The following NCOA3 variants were observed in gnomAD, a reference collection of about 807,000 sequenced individuals.
NCOA3 encodes the protein nuclear receptor coactivator 3, also known as CBP-interacting protein.
In NCOA3, 51 loss-of-function variants were observed where a neutral mutation model predicts 158.8. The ratio of observed to expected loss-of-function variants is 0.32; its 90% confidence interval spans 0.26 to 0.41. The LOEUF (loss-of-function observed/expected upper bound fraction) is 0.41. Among genes scored for constraint, NCOA3 ranks in the 10% least tolerant of loss-of-function variants. The pLI is 1.00. For missense variants in NCOA3, 1,510 were observed against 1,746.6 expected, an observed-to-expected ratio of 0.86 and a Z score of 2.41; for synonymous variants, 537 against 592.4, an observed-to-expected ratio of 0.91 and a Z score of 1.36.
rs931477107 is a variant in NCOA3 at position 47,656,170 on chromosome 20, T to A, written c.*2753T>A. The A allele has an allele frequency of 2.0e-5, 3 of 146,706 alleles. No individual in the cohort carries two copies. Among genetic ancestry groups the A allele is most frequent in the East Asian group, 2.0e-4 (1 of 5,092 alleles). The allele number at this position is 146,706 out of a possible 1,614,324, so 9.1% of individuals were successfully genotyped here. On this transcript the variant is annotated 3_prime_UTR_variant, in exon 23 of 23. Coordinates refer to ENST00000371998, the MANE Select transcript of NCOA3 (RefSeq NM_181659.3). ...TGAATCCAAAGATATATAAATAAAA[T>A]ATATATATTTTATAAAGATCAGAAT...
chr20:47,502,459 C>T (rs563104008), intron 1 of NCOA3, among the ~76,000 whole-genome samples: 1 of 152,328 alleles, frequency 6.6e-6, no homozygotes, highest in Non-Finnish European at 1.5e-5. Context: ...GAGGGAAAAG[C>T]CGCGGGGACC....
At position 47,636,702 on chromosome 20, in the gene NCOA3, C is replaced by T. The variant is rs1003916041; in HGVS notation, c.2316C>T (p.Ser772=). 11 of 1,614,068 alleles carry T rather than the reference C, an allele frequency of 6.8e-6. No homozygotes were observed. The highest frequency in any genetic ancestry group is 1.7e-5 in the Admixed American group (1 of 60,008). ...VDNKMSQCTS[S]TIPSSSQEKD... is the part of the protein sequence containing the mutation. ...ATAAAATGAGTCAGTGCACCAGCTC[C>T]ACCATTCCTAGCTCAAGTCAAGAGA... The change falls in exon 12 of 23, where the codon TCC becomes TCT. Residue 772 remains serine (S), a synonymous_variant. Transcript: ENST00000371998.
intron 2 of NCOA3, among the ~76,000 whole-genome samples, chr20:47,593,890 C>T (rs1030800676): frequency 1.3e-5 from 2 of 151,950 alleles, no homozygotes; most frequent in East Asian, 1.9e-4. Flanking sequence ...TTGTAGTAAC[C>T]GTATATTTAT....
rs750763377 is a variant in NCOA3 at position 47,652,599 on chromosome 20, T to C, written c.4121+19T>C. On this transcript the variant is annotated intron_variant, in intron 21 of 22. Coordinates refer to ENST00000371998, the MANE Select transcript of NCOA3 (RefSeq NM_181659.3). ...GGAACAGGTAAAGAACAGTGACTTATAAAGTTAGTCACATCCTAGTCCCAG... is the reference window on the plus strand; with the variant it reads ...GGAACAGGTAAAGAACAGTGACTTACAAAGTTAGTCACATCCTAGTCCCAG... 1.6e-5 allele frequency: 26 copies of C among 1,591,362 alleles called. No individual in the cohort carries two copies. The highest frequency in any genetic ancestry group is 3.4e-5 in the Admixed American group (2 of 59,440).
chr20:47,646,089 A>G (rs1034531858), intron 17 of NCOA3, among the ~76,000 whole-genome samples: 1 of 152,208 alleles, frequency 6.6e-6, no homozygotes, highest in Non-Finnish European at 1.5e-5. Context: ...ACCAAAATCC[A>G]TGGATGCTCA....
At chr20:47,605,361 T>C (rs1166077668) in intron 2 of NCOA3, among the ~76,000 whole-genome samples, 1 of 152,192 alleles carries the variant, frequency 6.6e-6, no homozygotes, top group African/African-American at 2.4e-5. Flanking sequence ...TGAGATATTA[T>C]TGCAATGTTG....
chr20:47,594,787 G>GTTTT (rs1244831033), intron 2 of NCOA3, among the ~76,000 whole-genome samples: 2 of 124,892 alleles, frequency 1.6e-5, no homozygotes, highest in African/African-American at 6.4e-5. Flanking sequence ...CAGAATACCT[G>GTTTT]ATTTTTTTTT....
At chr20:47,596,841 C>G (rs749511198) in intron 2 of NCOA3, among the ~76,000 whole-genome samples, 1 of 152,154 alleles carries the variant, frequency 6.6e-6, no homozygotes, top group Admixed American at 6.5e-5. Context: ...CCACCTGCCT[C>G]GGCCTCCTGA....
chr20:47,524,625 G>A (rs911415707), intron 1 of NCOA3, among the ~76,000 whole-genome samples: 3 of 152,190 alleles, frequency 2.0e-5, no homozygotes, highest in Non-Finnish European at 4.4e-5. Flanking sequence ...GAAGGGAGAA[G>A]ACAGAAAGAG....
intron 1 of NCOA3, among the ~76,000 whole-genome samples, chr20:47,538,219 C>G (rs2146122249): frequency 6.6e-6 from 1 of 152,246 alleles, no homozygotes; most frequent in Non-Finnish European, 1.5e-5. Flanking sequence ...GAAAAAAACC[C>G]AAGATGATTA....
intron 2 of NCOA3, among the ~76,000 whole-genome samples, chr20:47,609,544 A>C (rs552284396): frequency 1.3e-5 from 2 of 152,284 alleles, no homozygotes; most frequent in East Asian, 3.9e-4. Context: ...CCTGGCCAAC[A>C]TGGTGAAACC....
intron 2 of NCOA3, among the ~76,000 whole-genome samples, chr20:47,616,908 T>C (rs1039652386): frequency 1.3e-5 from 2 of 152,178 alleles, no homozygotes; most frequent in Non-Finnish European, 2.9e-5. Flanking sequence ...TGATAATATC[T>C]AATTGTAGGG....
intron 1 of NCOA3, among the ~76,000 whole-genome samples, chr20:47,505,123 G>A (rs1238457412): frequency 2.1e-5 from 3 of 140,870 alleles, no homozygotes; most frequent in Non-Finnish European, 3.1e-5. Context: ...GTGCAGCGGC[G>A]CGATCTTGGC....
intron 2 of NCOA3, among the ~76,000 whole-genome samples, chr20:47,599,827 T>A (rs2085828517): frequency 6.6e-6 from 1 of 152,188 alleles, no homozygotes; most frequent in Admixed American, 6.5e-5. Flanking sequence ...AAAGTTTACA[T>A]TGAAAAGATT....
chr20:47,588,920 C>G (rs565696833), intron 2 of NCOA3, among the ~76,000 whole-genome samples: 1 of 152,122 alleles, frequency 6.6e-6, no homozygotes, highest in Admixed American at 6.5e-5. Flanking sequence ...CTGAATTTGG[C>G]TCTTGTCTCT....
intron 2 of NCOA3, among the ~76,000 whole-genome samples, chr20:47,583,836 T>A (rs1279782660): frequency 6.6e-6 from 1 of 152,088 alleles, no homozygotes. Context: ...TGTGCCTTAG[T>A]CCCTAGCACT....
intron 1 of NCOA3, among the ~76,000 whole-genome samples, chr20:47,517,451 C>CTTTTTTTTTTTTTT (rs376699406): frequency 7.0e-5 from 9 of 129,294 alleles, no homozygotes; most frequent in South Asian, 2.4e-4. Context: ...TTTTCTTTTT[C>CTTTTTTTTTTTTTT]TTTTTTTTTT....
chr20:47,623,793 GAA>G (rs11299165), intron 3 of NCOA3, 116 bp from the exon 4 acceptor site: 8,032 of 785,614 alleles, frequency 0.01, no homozygotes, highest in Middle Eastern at 0.015. Context: ...CTGTCTCGAG[GAA>G]AAAAAAAAAA....
chr20:47,643,732 G>A (rs2086646068), intron 17 of NCOA3, among the ~76,000 whole-genome samples: 1 of 151,860 alleles, frequency 6.6e-6, no homozygotes, highest in Admixed American at 6.6e-5. Flanking sequence ...AAAATGTTTT[G>A]GGTTCTATGT....
Sources: gnomAD v4.1 joint callset for allele counts (sites outside exome capture counted in the v4.1 genomes callset) on GRCh38, gnomAD v4.1.1 for gene constraint, MANE v1.5 for transcripts, NCBI Gene and HGNC (gene_info 2026-07-23, HGNC 2026-07-21) for gene names.